The following NKX3-2 variants were observed in gnomAD, a reference collection of about 807,000 sequenced individuals.
NKX3-2 encodes the protein homeobox protein Nkx-3.2.
NKX3-2 carries 13 observed loss-of-function variants against 19.4 expected under a neutral mutation model. The ratio of observed to expected loss-of-function variants is 0.67; its 90% confidence interval spans 0.44 to 1.07. The LOEUF (loss-of-function observed/expected upper bound fraction) is 1.07. NKX3-2 is among the 50% of genes least tolerant of loss of function. NKX3-2 has a pLI of 0.00. For synonymous variants in NKX3-2, 269 were observed against 230.5 expected, an observed-to-expected ratio of 1.17 and a Z score of -1.51; for missense variants, 562 against 488.2, an observed-to-expected ratio of 1.15 and a Z score of -1.42.
Position 13,544,383 on chromosome 4 carries a change from G to A in NKX3-2, c.32C>T (p.Ser11Phe). ...GTTGAGGATCGCCTGGATGGAGAAG[G>A]ACGTCAAGGTGTTGGCGCCGCGCAC... The part of the protein sequence containing the change: MAVRGANTLT[S>F]FSIQAILNKK... Residue 11 changes from serine (S) to phenylalanine (F), a missense_variant, in exon 1 of 2, where the codon TCC (serine) becomes TTC (phenylalanine). Physicochemically the swap from Ser to Phe is radical, Grantham distance 155 (BLOSUM62 -2). Transcript: ENST00000382438. The A allele has an allele frequency of 6.5e-7, 1 of 1,549,994 alleles. No individual in the cohort carries two copies. Among genetic ancestry groups the A allele is most frequent in the Non-Finnish European group, 8.6e-7 (1 of 1,157,828 alleles).
At chr4:13,547,487 C>G (rs983053077), upstream of NKX3-2, 1 of 249,158 alleles carries the variant, frequency 4.0e-6, no homozygotes, top group African/African-American at 2.4e-5. Flanking sequence ...GTCCGCGCCT[C>G]TCTACCCCGC....
chr4:13,547,350 C>A (rs1718156811), upstream of NKX3-2: 3 of 408,812 alleles, frequency 7.3e-6, no homozygotes, highest in South Asian at 1.7e-5. Flanking sequence ...CAGCTGTGAG[C>A]TCCAGGAACT....
At position 13,542,365 on chromosome 4, in the gene NKX3-2, C is replaced by T; in HGVS notation, c.630G>A (p.Arg210=). 3 of 1,524,944 alleles carry T rather than the reference C, an allele frequency of 2.0e-6. No homozygotes were observed. The highest frequency in any genetic ancestry group is 2.6e-6 in the Non-Finnish European group (3 of 1,138,944). The allele number at this position is 1,524,944 out of a possible 1,614,324, so 94.5% of individuals were successfully genotyped here. Residue 210 remains arginine, a synonymous_variant, in exon 2 of 2, where the codon CGG becomes CGA. Transcript: ENST00000382438. The surrounding 1 kb of genome is among the most constrained non-coding windows in gnomAD (Gnocchi z 6.4). ...AAPKPRKKRS[R]AAFSHAQVFE... is the part of the protein sequence containing the mutation. Reference sequence around the variant, plus strand: ...AGACCTGCGCGTGGGAGAAAGCGGCCCGCGAGCGCTTCTTGCGTGGCTTGG... The same window carrying T: ...AGACCTGCGCGTGGGAGAAAGCGGCTCGCGAGCGCTTCTTGCGTGGCTTGG...
rs1717989237 is a variant in NKX3-2, at chr4:13,541,762, C to T, written c.*231G>A. ...AGGGGCTTCCAGGCAGGTGGGCGAT[C>T]AGGGCCCCTAGGCCATAGGGTGCCT... On this transcript the variant is annotated 3_prime_UTR_variant, in exon 2 of 2. Transcript: ENST00000382438. The T allele has an allele frequency of 3.8e-6, 2 of 526,152 alleles. No individual in the cohort carries two copies. Among genetic ancestry groups the T allele is most frequent in the Non-Finnish European group, 6.6e-6 (2 of 304,286 alleles). 32.6% of individuals were successfully genotyped at this position (526,152 alleles called of 1,614,324 possible). A position where few individuals can be genotyped will look rare whatever the true frequency, so the allele number is the denominator to read the frequency against.
Position 13,543,864 on chromosome 4 carries a change from T to C in NKX3-2, c.466+85A>G, listed in dbSNP as rs1387582381. ...CTCCGAGCCCCAGGGCGCAGGGTGCTCAAGCCGACCACCCCACTCGGCGTG... is the reference window on the plus strand; with the variant it reads ...CTCCGAGCCCCAGGGCGCAGGGTGCCCAAGCCGACCACCCCACTCGGCGTG... On this transcript the variant is annotated intron_variant, in intron 1 of 1. Transcript: ENST00000382438. This position sits in a 1 kb window ranked among gnomAD's most constrained non-coding sequence, Gnocchi z 7.1. 68 of 1,279,086 alleles carry C rather than the reference T, an allele frequency of 5.3e-5. No homozygotes were observed. The highest frequency in any genetic ancestry group is 6.8e-5 in the Non-Finnish European group (65 of 961,460). The allele number at this position is 1,279,086 out of a possible 1,614,324, so 79.2% of individuals were successfully genotyped here. A position where few individuals can be genotyped will look rare whatever the true frequency, so the allele number is the denominator to read the frequency against.
rs758315408 is a variant in NKX3-2 at position 13,542,293 on chromosome 4, G to A, written c.702C>T (p.Pro234=). The change falls in exon 2 of 2, where the codon CCC becomes CCT. Residue 234 remains proline, a synonymous_variant. Coordinates refer to ENST00000382438, the MANE Select transcript of NKX3-2 (RefSeq NM_001189.4). This position sits in a 1 kb window ranked among gnomAD's most constrained non-coding sequence, Gnocchi z 6.4. The part of the protein sequence containing the change: ...RFNHQRYLSG[P]ERADLAASLK... ...GCGACGCGGCCAGGTCTGCGCGCTC[G>A]GGCCCGGACAGGTAGCGCTGGTGGT... The A allele has an allele frequency of 6.2e-7, 1 of 1,607,878 alleles. No homozygotes were observed. Among genetic ancestry groups the A allele is most frequent in the Admixed American group, 1.7e-5 (1 of 59,472 alleles).
chr4:13,544,446 G>C lies in NKX3-2; in HGVS notation c.-32C>G. ...CGCGGGCAGGAGCGGCCGGCGGGGC[G>C]GGCAGCTGGGGCGCCGAGCAGCTCC... On this transcript the variant is annotated 5_prime_UTR_variant, in exon 1 of 2. Coordinates refer to ENST00000382438, the MANE Select transcript of NKX3-2 (RefSeq NM_001189.4). The C allele has an allele frequency of 1.4e-6, 2 of 1,438,792 alleles. No individual in the cohort carries two copies. The highest frequency in any genetic ancestry group is 2.7e-5 in the South Asian group (2 of 72,842). The allele number at this position is 1,438,792 out of a possible 1,614,324, so 89.1% of individuals were successfully genotyped here.
In NKX3-2 at chr4:13,541,861, G is replaced by A. The variant is rs1043747095; in HGVS notation, c.*132C>T. 2.9e-6 allele frequency: 4 copies of A among 1,378,808 alleles called. No individual in the cohort carries two copies. The highest frequency in any genetic ancestry group is 3.0e-6 in the Non-Finnish European group (3 of 1,014,426). The allele number at this position is 1,378,808 out of a possible 1,614,324, so 85.4% of individuals were successfully genotyped here. ...TGCCAGGGGACAAGTCCTGGCTAAC[G>A]GGAGCTGGAGCTGGGTTTCACCTCC... On this transcript the variant is annotated 3_prime_UTR_variant, in exon 2 of 2. Transcript: ENST00000382438.
Position 13,541,793 on chromosome 4 carries a change from C to T in NKX3-2, c.*200G>A. On this transcript the variant is annotated 3_prime_UTR_variant, in exon 2 of 2. Transcript: ENST00000382438. Reference sequence around the variant, plus strand: ...CCCTAGGCCATAGGGTGCCTCTGTTCAAATTAGAAAAAGGCGCCCCCTCAG... The same window carrying T: ...CCCTAGGCCATAGGGTGCCTCTGTTTAAATTAGAAAAAGGCGCCCCCTCAG... 1 of 748,274 alleles carries T rather than the reference C, an allele frequency of 1.3e-6. No homozygotes were observed. Among genetic ancestry groups the T allele is most frequent in the Non-Finnish European group, 2.1e-6 (1 of 479,848 alleles). 46.4% of individuals were successfully genotyped at this position (748,274 alleles called of 1,614,324 possible). A position where few individuals can be genotyped will look rare whatever the true frequency, so the allele number is the denominator to read the frequency against.
At position 13,543,833 on chromosome 4, in the gene NKX3-2, G is replaced by T; in HGVS notation, c.466+116C>A. ...CCAGAGCGCAGAACTTCGGGATTTG[G>T]CCAGCCTCCGAGCCCCAGGGCGCAG... On this transcript the variant is annotated intron_variant, in intron 1 of 1. Coordinates refer to ENST00000382438, the MANE Select transcript of NKX3-2 (RefSeq NM_001189.4). The surrounding 1 kb of genome is among the most constrained non-coding windows in gnomAD (Gnocchi z 7.1). 1 of 977,924 alleles carries T rather than the reference G, an allele frequency of 1.0e-6. No individual in the cohort carries two copies. Among genetic ancestry groups the T allele is most frequent in the Non-Finnish European group, 1.4e-6 (1 of 696,552 alleles). 60.6% of individuals were successfully genotyped at this position (977,924 alleles called of 1,614,324 possible).
At chr4:13,546,423 A>G, upstream of NKX3-2, 1 of 161,966 alleles carries the variant, frequency 6.2e-6, no homozygotes, top group Admixed American at 5.8e-5. Flanking sequence ...CAGCAAGTGT[A>G]AGGACGCAGA....
At position 13,542,220 on chromosome 4, in the gene NKX3-2, A is replaced by G; in HGVS notation, c.775T>C (p.Tyr259His). 1.9e-6 allele frequency: 3 copies of G among 1,611,416 alleles called. No individual in the cohort carries two copies. The highest frequency in any genetic ancestry group is 2.5e-6 in the Non-Finnish European group (3 of 1,179,184). Residue 259 changes from tyrosine to histidine, a missense_variant, in exon 2 of 2, where the codon TAC becomes CAC. Coordinates refer to ENST00000382438, the MANE Select transcript of NKX3-2 (RefSeq NM_001189.4). This position sits in a 1 kb window ranked among gnomAD's most constrained non-coding sequence, Gnocchi z 6.4. ...QVKIWFQNRR[Y>H]KTKRRQMAAD... ...GCCATCTGCCGGCGCTTTGTCTTGT[A>G]GCGACGGTTCTGGAACCAGATTTTC...
chr4:13,544,629 A>G (rs1468492437), upstream of NKX3-2: 2 of 297,990 alleles, frequency 6.7e-6, no homozygotes, highest in African/African-American at 2.4e-5. Context: ...CCGCCCGGAG[A>G]CCCCCTCCCC....
In NKX3-2 at chr4:13,542,481, C is replaced by A. The variant is rs528413999; in HGVS notation, c.514G>T (p.Ala172Ser). Residue 172 changes from alanine to serine, a missense_variant, in exon 2 of 2, where the codon GCA (alanine) becomes TCA (serine). Physicochemically the swap from Ala to Ser is moderately conservative, Grantham distance 99 (BLOSUM62 1). Transcript: ENST00000382438. This position sits in a 1 kb window ranked among gnomAD's most constrained non-coding sequence, Gnocchi z 6.4. Reference sequence around the variant, plus strand: ...CCGCTGCACAGCGCGGACACGTGTGCACCTCTGGGGCCAACACCGTCGTCC... The same window carrying A: ...CCGCTGCACAGCGCGGACACGTGTGAACCTCTGGGGCCAACACCGTCGTCC... The part of the protein sequence containing the change: ...TEDDGVGPRG[A>S]HVSALCSGAG... 6.3e-7 allele frequency: 1 copy of A among 1,596,528 alleles called. No individual in the cohort carries two copies. The highest frequency in any genetic ancestry group is 1.1e-5 in the South Asian group (1 of 90,908).
chr4:13,547,349 G>A (rs1163276750), upstream of NKX3-2: 3 of 421,648 alleles, frequency 7.1e-6, no homozygotes, highest in Admixed American at 2.5e-5. Flanking sequence ...TCAGCTGTGA[G>A]CTCCAGGAAC....
At chr4:13,545,701 T>A (rs1718118374), upstream of NKX3-2, among the ~76,000 whole-genome samples, 1 of 152,204 alleles carries the variant, frequency 6.6e-6, no homozygotes, top group Admixed American at 6.5e-5. Flanking sequence ...AATATTGAAT[T>A]TAATTGGAGT....
chr4:13,542,429 G>C lies in NKX3-2; in HGVS notation c.566C>G (p.Pro189Arg), dbSNP rs961289999. The C allele has an allele frequency of 1.9e-6, 3 of 1,548,078 alleles. No individual in the cohort carries two copies. The highest frequency in any genetic ancestry group is 2.6e-6 in the Non-Finnish European group (3 of 1,153,992). ...CTCCTCCTCCTCCGCGACGCCTGCC[G>C]GCCCGCTGCCGCCCCCGCCGCCGGC... Reference protein sequence around the residue: ...SGAGGGGGSGPAGVAEEEEEP... With the variant: ...SGAGGGGGSGRAGVAEEEEEP... Residue 189 changes from proline (P) to arginine (R), a missense_variant, in exon 2 of 2, where the codon CCG (proline) becomes CGG (arginine). Pro to Arg is a moderately radical substitution (Grantham distance 103, BLOSUM62 -2). Coordinates refer to ENST00000382438, the MANE Select transcript of NKX3-2 (RefSeq NM_001189.4). The surrounding 1 kb of genome is among the most constrained non-coding windows in gnomAD (Gnocchi z 6.4).
chr4:13,545,568 T>C (rs1478612962), upstream of NKX3-2, among the ~76,000 whole-genome samples: 1 of 150,886 alleles, frequency 6.6e-6, no homozygotes, highest in Non-Finnish European at 1.5e-5. Context: ...GTCTTTGATT[T>C]GATTCGATTT....
upstream of NKX3-2, chr4:13,546,094 TTTTAA>T (rs1174308142): frequency 7.2e-5 from 11 of 152,256 alleles, no homozygotes; most frequent in Admixed American, 2.6e-4. Context: ...AGGACTATGA[TTTTAA>T]TTTATTAAAT....
Sources: allele counts gnomAD v4.1 joint callset (sites outside exome capture counted in the v4.1 genomes callset), GRCh38; gene constraint gnomAD v4.1.1; non-coding constraint Gnocchi (gnomAD v3.1); transcripts MANE v1.5; gene names NCBI Gene and HGNC (gene_info 2026-07-23, HGNC 2026-07-21).